Variants in PCDHA13 observed in about 807,000 individuals in gnomAD.
The protein encoded by PCDHA13 is protocadherin alpha 13.
Under a neutral mutation model 64.8 loss-of-function variants are expected in PCDHA13, and 54 were observed. The observed-to-expected ratio is 0.83, with a 90% CI of 0.67 to 1.04. PCDHA13 has a LOEUF of 1.04. Ranked by LOEUF, PCDHA13 falls within the 50% of genes least tolerant of loss-of-function variation. The pLI is 0.00. For synonymous variants in PCDHA13, 587 were observed against 564.4 expected (o/e 1.04, Z -0.57); for missense variants, 1,248 against 1,254.3 (o/e 0.99, Z 0.08).
rs377441374 is a variant in PCDHA13 at position 140,884,065 on chromosome 5, C to G, written c.1797C>G (p.Ala599=). The change falls in exon 1 of 4, where the codon GCC becomes GCG. Residue 599 remains alanine (A), a synonymous_variant. Transcript: ENST00000289272. ...HVVAKVRAVD[A]DSGYNAWLSY... is the part of the protein sequence containing the mutation. ...TGGCGAAGGTGCGCGCGGTGGACGC[C>G]GATTCGGGCTACAATGCGTGGCTTT... 17 of 1,613,346 alleles carry G rather than the reference C, an allele frequency of 1.1e-5. No individual in the cohort carries two copies. Among genetic ancestry groups the G allele is most frequent in the Admixed American group, 6.7e-5 (4 of 59,982 alleles).
At chr5:140,903,401 T>A (rs577425497) in intron 1 of PCDHA13, among the ~76,000 whole-genome samples, 2 of 152,336 alleles carry the variant, frequency 1.3e-5, no homozygotes, top group East Asian at 3.9e-4. Flanking sequence ...GAAACAGTAG[T>A]GCAGTCAGGA....
intron 3 of PCDHA13, among the ~76,000 whole-genome samples, chr5:141,008,123 G>A (rs1437358425): frequency 6.6e-6 from 1 of 152,144 alleles, no homozygotes; most frequent in East Asian, 1.9e-4. Context: ...GTTTCAAGAA[G>A]GGGATGACAA....
chr5:140,899,609 A>G (rs898089235), intron 1 of PCDHA13, among the ~76,000 whole-genome samples: 12 of 152,104 alleles, frequency 7.9e-5, no homozygotes, highest in Non-Finnish European at 1.6e-4. Context: ...CTTTTGCATC[A>G]ATGTTCATCA....
chr5:140,985,975 G>A (rs2097182023), intron 3 of PCDHA13, among the ~76,000 whole-genome samples: 2 of 152,148 alleles, frequency 1.3e-5, no homozygotes, highest in South Asian at 2.1e-4. Flanking sequence ...TCCTGACCTC[G>A]TGATCCGCCC....
chr5:140,904,555 CT>C (rs569725486), intron 1 of PCDHA13, among the ~76,000 whole-genome samples: 14 of 151,628 alleles, frequency 9.2e-5, no homozygotes, highest in Non-Finnish European at 1.8e-4. Context: ...CATATAATGA[CT>C]TTTTTTTCCT....
At chr5:140,916,967 G>T (rs1215722713) in intron 1 of PCDHA13, among the ~76,000 whole-genome samples, 1 of 152,194 alleles carries the variant, frequency 6.6e-6, no homozygotes, top group African/African-American at 2.4e-5. Flanking sequence ...TGACTGCTGG[G>T]ATGAGTGATT....
rs370671644 is a variant in PCDHA13 at position 140,882,577 on chromosome 5, C to T, written c.309C>T (p.Ser103=). The change falls in exon 1 of 4, where the codon AGC becomes AGT. Residue 103 remains serine (S), a synonymous_variant. Coordinates refer to ENST00000289272, the MANE Select transcript of PCDHA13 (RefSeq NM_018904.3). ...TGTGTGGGCGGAGCGCGGAGTGCAG[C>T]ATCCACCTGGAGGTGATCGTGGACA... ...EELCGRSAEC[S]IHLEVIVDRP... 2.8e-5 allele frequency: 45 copies of T among 1,614,120 alleles called. No individual in the cohort carries two copies. Among genetic ancestry groups the T allele is most frequent in the East Asian group, 1.3e-4 (6 of 44,900 alleles).
intron 1 of PCDHA13, among the ~76,000 whole-genome samples, chr5:140,888,721 G>A (rs1176739860): frequency 6.6e-6 from 1 of 151,970 alleles, no homozygotes; most frequent in Non-Finnish European, 1.5e-5. Flanking sequence ...AATATTTCCA[G>A]CCCTTTGTGA....
At chr5:140,899,704 T>C (rs2067500536) in intron 1 of PCDHA13, among the ~76,000 whole-genome samples, 1 of 152,242 alleles carries the variant, frequency 6.6e-6, no homozygotes, top group Non-Finnish European at 1.5e-5. Context: ...TAAAATGAGT[T>C]AGGGAGGATT....
intron 1 of PCDHA13, among the ~76,000 whole-genome samples, chr5:140,904,023 A>G (rs2070780912): frequency 1.3e-5 from 2 of 152,198 alleles, no homozygotes; most frequent in Admixed American, 6.5e-5. Flanking sequence ...AAATAATGGT[A>G]TAATTTAACT....
chr5:140,969,106 A>G, intron 1 of PCDHA13: 1 of 1,614,132 alleles, frequency 6.2e-7, no homozygotes, highest in Non-Finnish European at 8.5e-7. Flanking sequence ...ACTTCATTGA[A>G]GTTCGAGGGA....
At chr5:140,884,833 C>G in intron 1 of PCDHA13, 171 bp downstream of exon 1, 1 of 916,634 alleles carries the variant, frequency 1.1e-6, no homozygotes, top group Non-Finnish European at 1.5e-6. Context: ...GTTGGATTAT[C>G]CTTCAGAGTG....
At chr5:140,965,521 G>T (rs1554227745) in intron 1 of PCDHA13, among the ~76,000 whole-genome samples, 1 of 150,834 alleles carries the variant, frequency 6.6e-6, no homozygotes, top group African/African-American at 2.4e-5. Flanking sequence ...TAACTGCAAA[G>T]CATTAATGGA....
intron 3 of PCDHA13, among the ~76,000 whole-genome samples, chr5:140,985,373 C>G (rs1228293287): frequency 6.6e-6 from 1 of 152,106 alleles, no homozygotes. Flanking sequence ...TTATCTGGGT[C>G]TATATAATCC....
rs368758287 is a variant in PCDHA13 at position 140,883,621 on chromosome 5, C to A, written c.1353C>A (p.Asn451Lys). The change falls in exon 1 of 4, where the codon AAC (asparagine) becomes AAA (lysine). Residue 451 changes from asparagine (N) to lysine (K), a missense_variant. Transcript: ENST00000289272. ...TGGGGGTGGCCGACGTGAACGACAACGCGCCGGCGTTCGCGCAGCCCGAGT... is the reference window on the plus strand; with the variant it reads ...TGGGGGTGGCCGACGTGAACGACAAAGCGCCGGCGTTCGCGCAGCCCGAGT... ...VSVGVADVND[N>K]APAFAQPEYT... 5 of 1,613,850 alleles carry A rather than the reference C, an allele frequency of 3.1e-6. No individual in the cohort carries two copies. In the African/African-American group the frequency reaches 4.0e-5, roughly 13 times the overall value.
rs782120132 is a variant in PCDHA13, at chr5:140,884,464, C to T, written c.2196C>T (p.Cys732=). The change falls in exon 1 of 4, where the codon TGC becomes TGT. Residue 732 remains cysteine, a synonymous_variant. Coordinates refer to ENST00000289272, the MANE Select transcript of PCDHA13 (RefSeq NM_018904.3). The part of the protein sequence containing the change: ...RCSAPPTEGA[C]APGKPTLVCS... ...CGGCACCGCCCACCGAGGGCGCGTG[C>T]GCGCCGGGCAAGCCCACTCTAGTGT... 51 of 1,613,768 alleles carry T rather than the reference C, an allele frequency of 3.2e-5. 1 individual carries two copies. In the East Asian group the frequency reaches 9.6e-4, roughly 30 times the overall value.
At chr5:140,952,515 C>G (rs2094758109) in intron 1 of PCDHA13, among the ~76,000 whole-genome samples, 1 of 152,132 alleles carries the variant, frequency 6.6e-6, no homozygotes, top group Non-Finnish European at 1.5e-5. Context: ...TCATCTCCAT[C>G]TGAGACCTCC....
chr5:140,965,307 C>T (rs2095888914), intron 1 of PCDHA13, among the ~76,000 whole-genome samples: 1 of 152,150 alleles, frequency 6.6e-6, no homozygotes, highest in Admixed American at 6.5e-5. Context: ...ATCCTTCTAC[C>T]TTCTCTTTTA....
At chr5:140,987,211 C>A (rs1190567678) in intron 3 of PCDHA13, among the ~76,000 whole-genome samples, 1 of 145,070 alleles carries the variant, frequency 6.9e-6, no homozygotes, top group South Asian at 2.1e-4. Flanking sequence ...GAGACTCCAT[C>A]TCAAAAAAAA....
Sources: gnomAD v4.1 joint callset for allele counts (sites outside exome capture counted in the v4.1 genomes callset) on GRCh38, gnomAD v4.1.1 for gene constraint, MANE v1.5 for transcripts, NCBI Gene and HGNC (gene_info 2026-07-23, HGNC 2026-07-21) for gene names.